Variants in LGI2 observed in about 807,000 individuals in gnomAD.
The protein encoded by LGI2 is leucine rich repeat LGI family member 2.
A neutral mutation model predicts 52.0 loss-of-function variants in LGI2; 30 were observed. The ratio of observed to expected loss-of-function variants is 0.58; its 90% CI spans 0.43 to 0.78. LGI2 has a LOEUF of 0.78. Ranked by LOEUF, LGI2 falls within the 30% of genes least tolerant of loss-of-function variation. The probability of loss-of-function intolerance (pLI) is 0.00; values close to 1 mark genes in which losing one functional copy is unlikely to be tolerated. For synonymous variants in LGI2, 270 were observed against 271.8 expected (o/e 0.99, Z 0.06); for missense variants, 573 against 692.5 (o/e 0.83, Z 1.94).
At chr4:25,023,068 T>TTTATGATGA (rs1726025976) in intron 4 of LGI2, among the ~76,000 whole-genome samples, 2 of 151,032 alleles carry the variant, frequency 1.3e-5, no homozygotes, top group African/African-American at 4.9e-5. Context: ...TATGTTGATG[T>TTTATGATGA]TGATGATGAT....
chr4:25,018,284 G>A, intron 5 of LGI2, 126 bp from the exon 6 acceptor site: 1 of 645,752 alleles, frequency 1.5e-6, no homozygotes, highest in Non-Finnish European at 2.5e-6. Flanking sequence ...TAAAAATGGA[G>A]TTTAAAAACT....
At chr4:25,027,032 G>A (rs994792910) in intron 2 of LGI2, 93 bp from the exon 3 acceptor site, 2 of 974,148 alleles carry the variant, frequency 2.1e-6, no homozygotes, top group Non-Finnish European at 1.6e-6. Context: ...TTTGATCTGT[G>A]GGCAAACATG....
chr4:25,000,092 A>G lies in LGI2; in HGVS notation c.*3359T>C, dbSNP rs11941931. On this transcript the variant is annotated 3_prime_UTR_variant, in exon 8 of 8. Coordinates refer to ENST00000382114, the MANE Select transcript of LGI2 (RefSeq NM_018176.4). ...TAAAAAGAGTGGGGCATGCAATTGC[A>G]TGTTTGTTAATTGTTAAATGGACCA... 919 of 262,810 alleles carry G rather than the reference A, an allele frequency of 3.5e-3. 7 individuals are homozygous for G. Among genetic ancestry groups the G allele is most frequent in the African/African-American group, 0.02 (861 of 43,894 alleles). 16.3% of individuals were successfully genotyped at this position (262,810 alleles called of 1,614,324 possible). A position where few individuals can be genotyped will look rare whatever the true frequency, so the allele number is the denominator to read the frequency against.
At chr4:25,006,135 G>A (rs1224514597) in intron 7 of LGI2, among the ~76,000 whole-genome samples, 1 of 152,172 alleles carries the variant, frequency 6.6e-6, no homozygotes, top group Non-Finnish European at 1.5e-5. Flanking sequence ...TCTAAAGAAG[G>A]AGCAATAGTC....
chr4:24,993,664 C>T, the LGI2 span, among the ~76,000 whole-genome samples: 5 of 152,148 alleles, frequency 3.3e-5, no homozygotes, highest in Non-Finnish European at 5.9e-5. Context: ...GCTCAGCTAG[C>T]GTTTGTTTGA....
In LGI2 at chr4:25,024,937, T is replaced by C. The variant is rs200735367; in HGVS notation, c.342-46A>G. On this transcript the variant is annotated intron_variant, in intron 3 of 7. Coordinates refer to ENST00000382114, the MANE Select transcript of LGI2 (RefSeq NM_018176.4). ...ATTAAAATGAATTTTCTCTCCTTAG[T>C]ATCCCAAAAAAACTATGTTGGTAAG... The C allele has an allele frequency of 2.6e-5, 34 of 1,288,928 alleles. 1 individual carries two copies. The highest frequency in any genetic ancestry group is 3.6e-5 in the Non-Finnish European group (33 of 916,538). 79.8% of individuals were successfully genotyped at this position (1,288,928 alleles called of 1,614,324 possible). A position where few individuals can be genotyped will look rare whatever the true frequency, so the allele number is the denominator to read the frequency against.
chr4:25,028,594 G>A lies in LGI2; in HGVS notation c.198-16C>T. The stretch of plus-strand genomic sequence containing the variant: ...TACCAGGCTCCTACGGGCAAAAGAT[G>A]AACAAAAGTAGGCCTAGGTTTCTTT... On this transcript the variant is annotated splice_polypyrimidine_tract_variant and intron_variant, in intron 1 of 7. Transcript: ENST00000382114. 2 of 1,607,830 alleles carry A rather than the reference G, an allele frequency of 1.2e-6. No homozygotes were observed. The highest frequency in any genetic ancestry group is 2.2e-5 in the South Asian group (2 of 89,456).
chr4:24,998,690 TAGA>T (rs2109398814), downstream of LGI2, among the ~76,000 whole-genome samples: 1 of 152,248 alleles, frequency 6.6e-6, no homozygotes, highest in Non-Finnish European at 1.5e-5. Context: ...AGTTTCCAAG[TAGA>T]AGAAGCAAAA....
At chr4:24,994,441 G>T (rs1227355222), downstream of LGI2, among the ~76,000 whole-genome samples, 1 of 152,148 alleles carries the variant, frequency 6.6e-6, no homozygotes, top group African/African-American at 2.4e-5. Context: ...GGGAGTCCGG[G>T]AGCACAGTAC....
chr4:25,007,578 A>AGTGT (rs3066687), intron 7 of LGI2, among the ~76,000 whole-genome samples: 6,389 of 142,248 alleles, frequency 0.045, 183 homozygotes, highest in Non-Finnish European at 0.059. Flanking sequence ...CAGACAGATC[A>AGTGT]GTGTGTGTGT....
intron 1 of LGI2, among the ~76,000 whole-genome samples, chr4:25,029,382 G>A (rs1726252817): frequency 6.6e-6 from 1 of 152,160 alleles, no homozygotes; most frequent in East Asian, 1.9e-4. Flanking sequence ...ATGCAAATGG[G>A]AACCCCCTCA....
At chr4:25,020,122 A>G (rs1577557337) in intron 4 of LGI2, among the ~76,000 whole-genome samples, 1 of 152,348 alleles carries the variant, frequency 6.6e-6, no homozygotes, top group East Asian at 1.9e-4. Flanking sequence ...CCTTTACATA[A>G]AGAGACTCAG....
rs1275279451 is a variant in LGI2, at chr4:25,003,342, T to C, written c.*109A>G. ...TGAAAACATCTAACTATTTCAGTGC[T>C]TTTTAATTTCAGAGCTCTGAGCCTG... On this transcript the variant is annotated 3_prime_UTR_variant, in exon 8 of 8. Coordinates refer to ENST00000382114, the MANE Select transcript of LGI2 (RefSeq NM_018176.4). 6 of 789,704 alleles carry C rather than the reference T, an allele frequency of 7.6e-6. No homozygotes were observed. Among genetic ancestry groups the C allele is most frequent in the Non-Finnish European group, 1.2e-5 (6 of 506,292 alleles). The allele number at this position is 789,704 out of a possible 1,614,324, so 48.9% of individuals were successfully genotyped here.
intron 2 of LGI2, 66 bp from the exon 3 acceptor site, chr4:25,027,005 T>A (rs1425725041): frequency 4.1e-5 from 50 of 1,233,626 alleles, no homozygotes; most frequent in Non-Finnish European, 5.8e-5. Flanking sequence ...AAGCCATTTC[T>A]CTTTCCTTTG....
chr4:24,996,430 A>G (rs1034600908), downstream of LGI2, among the ~76,000 whole-genome samples: 2 of 152,240 alleles, frequency 1.3e-5, no homozygotes, highest in Non-Finnish European at 2.9e-5. Flanking sequence ...CCAAAGAGGC[A>G]GGAAAATGAT....
chr4:25,018,347 C>G (rs914725532), intron 5 of LGI2, among the ~76,000 whole-genome samples, 189 bp from the exon 6 acceptor site: 3 of 152,148 alleles, frequency 2.0e-5, no homozygotes, highest in African/African-American at 7.2e-5. Flanking sequence ...TTATTTAATA[C>G]TCCTCAGCAC....
rs1725616801 is a variant in LGI2 at position 25,012,402 on chromosome 4, C to T, written c.753G>A (p.Met251Ile). 6.2e-7 allele frequency: 1 copy of T among 1,614,142 alleles called. No individual in the cohort carries two copies. The highest frequency in any genetic ancestry group is 1.7e-5 in the Admixed American group (1 of 60,012). The part of the protein sequence containing the change: ...DVYVAIAQPS[M>I]ENCMVLEWDH... The stretch of plus-strand genomic sequence containing the variant: ...CCCACTCCAGCACCATGCAGTTCTC[C>T]ATGCTGGGCTGCGCGATGGCCACGT... Residue 251 changes from methionine to isoleucine, a missense_variant, in exon 7 of 8, where the codon ATG becomes ATA. Met to Ile is a conservative substitution (Grantham distance 10). Transcript: ENST00000382114.
chr4:25,006,259 C>T (rs1725390521), intron 7 of LGI2, among the ~76,000 whole-genome samples: 1 of 128,830 alleles, frequency 7.8e-6, no homozygotes, highest in South Asian at 2.6e-4. Context: ...CACCCTGCAC[C>T]CAGATGCCCC....
At chr4:25,027,844 T>C (rs553122550) in intron 2 of LGI2, among the ~76,000 whole-genome samples, 21 of 152,338 alleles carry the variant, frequency 1.4e-4, no homozygotes, top group Non-Finnish European at 2.2e-4. Flanking sequence ...TTACCCAGCC[T>C]GGGTTACAGG....
Sources: allele counts gnomAD v4.1 joint callset (sites outside exome capture counted in the v4.1 genomes callset), GRCh38; gene constraint gnomAD v4.1.1; transcripts MANE v1.5; gene names NCBI Gene and HGNC (gene_info 2026-07-23, HGNC 2026-07-21).